IRF4: variants seen among roughly 807,000 people sequenced by gnomAD.
IRF4 encodes interferon regulatory factor 4, also known as lymphocyte-specific interferon regulatory factor.
In IRF4, 13 loss-of-function variants were observed where a neutral mutation model predicts 55.5. That is an observed-to-expected ratio of 0.23 (90% CI 0.15 to 0.37). IRF4 has a LOEUF of 0.37. Ranked by LOEUF, IRF4 falls within the 10% of genes least tolerant of loss-of-function variation. The pLI is 1.00. For synonymous variants in IRF4, 249 were observed against 240.7 expected, an observed-to-expected ratio of 1.03 and a Z score of -0.32; for missense variants, 397 against 593.8, an observed-to-expected ratio of 0.67 and a Z score of 3.44.
intron 5 of IRF4, among the ~76,000 whole-genome samples, chr6:398,015 G>A (rs560873022): frequency 4.6e-5 from 7 of 152,234 alleles, no homozygotes; most frequent in Admixed American, 1.3e-4. Flanking sequence ...GCTGCAGGTA[G>A]TGAAGAGGTG....
At position 395,009 on chromosome 6, in the gene IRF4, T is replaced by C. The variant is rs200504236; in HGVS notation, c.403+2T>C. 8.8e-6 allele frequency: 14 copies of C among 1,588,270 alleles called. No individual in the cohort carries two copies. The East Asian group carries it at 2.1e-4, about 23-fold the overall frequency. Reference sequence around the variant, plus strand: ...TTGTTCCTGAGGGAGCCAAAAAAGGTAGGGGCTCTCCTGAATTTGGGTCAC... The same window carrying C: ...TTGTTCCTGAGGGAGCCAAAAAAGGCAGGGGCTCTCCTGAATTTGGGTCAC... On this transcript the variant is annotated splice_donor_variant, in intron 3 of 8. Coordinates refer to ENST00000380956, the MANE Select transcript of IRF4 (RefSeq NM_002460.4). LOFTEE classifies it high-confidence loss of function.
intron 5 of IRF4, among the ~76,000 whole-genome samples, chr6:398,448 A>C (rs1161910994): frequency 2.0e-5 from 3 of 152,254 alleles, no homozygotes; most frequent in Non-Finnish European, 4.4e-5. Flanking sequence ...CTAGTTTTTA[A>C]TTGGGCTCTT....
chr6:399,422 A>G (rs1344507401), intron 6 of IRF4, among the ~76,000 whole-genome samples: 1 of 151,828 alleles, frequency 6.6e-6, no homozygotes, highest in African/African-American at 2.4e-5. Flanking sequence ...TAAGAGTAAT[A>G]CACATTTTGG....
Position 393,114 on chromosome 6 carries a change from C to A in IRF4, c.-39C>A. The A allele has an allele frequency of 7.2e-6, 11 of 1,528,130 alleles. No individual in the cohort carries two copies. Among genetic ancestry groups the A allele is most frequent in the Non-Finnish European group, 9.7e-6 (11 of 1,131,076 alleles). 94.7% of individuals were successfully genotyped at this position (1,528,130 alleles called of 1,614,324 possible). On this transcript the variant is annotated 5_prime_UTR_variant, in exon 2 of 9. Coordinates refer to ENST00000380956, the MANE Select transcript of IRF4 (RefSeq NM_002460.4). The surrounding 1 kb of genome is among the most constrained non-coding windows in gnomAD (Gnocchi z 5.4). ...TCCCCGCAGTGCAGAGCAGAGCGGGCGGAGGACCCCGGGCGCGGGCGCGGA... is the reference window on the plus strand; with the variant it reads ...TCCCCGCAGTGCAGAGCAGAGCGGGAGGAGGACCCCGGGCGCGGGCGCGGA...
At chr6:398,029 C>T (rs1761311101) in intron 5 of IRF4, among the ~76,000 whole-genome samples, 3 of 152,166 alleles carry the variant, frequency 2.0e-5, no homozygotes, top group South Asian at 4.1e-4. Flanking sequence ...AGAGGTGTAC[C>T]ACTCTTTAAT....
intron 1 of IRF4, among the ~76,000 whole-genome samples, 194 bp from the exon 2 acceptor site, chr6:392,904 T>C (rs979134127): frequency 6.6e-6 from 1 of 151,266 alleles, no homozygotes; most frequent in Non-Finnish European, 1.5e-5. Flanking sequence ...CGGACGGCTG[T>C]GCCCGCCCAG....
At chr6:400,753 A>G (rs191918007) in intron 6 of IRF4, among the ~76,000 whole-genome samples, 1 of 151,116 alleles carries the variant, frequency 6.6e-6, no homozygotes, top group Admixed American at 6.6e-5. Context: ...ATAGACATAA[A>G]TAATTAAGCA....
In IRF4 at chr6:393,044, G is replaced by A. The variant is rs1163394759; in HGVS notation, c.-55-54G>A. 2.3e-5 allele frequency: 23 copies of A among 1,013,810 alleles called. No individual in the cohort carries two copies. Among genetic ancestry groups the A allele is most frequent in the Non-Finnish European group, 3.1e-5 (22 of 702,760 alleles). The allele number at this position is 1,013,810 out of a possible 1,614,324, so 62.8% of individuals were successfully genotyped here. Reference sequence around the variant, plus strand: ...GGTCACTGGCGCAGGGGATCGGGGCGGGGTGCCCGGAGTGCGGTGCCTCGT... The same window carrying A: ...GGTCACTGGCGCAGGGGATCGGGGCAGGGTGCCCGGAGTGCGGTGCCTCGT... On this transcript the variant is annotated intron_variant, in intron 1 of 8. Coordinates refer to ENST00000380956, the MANE Select transcript of IRF4 (RefSeq NM_002460.4). The surrounding 1 kb of genome is among the most constrained non-coding windows in gnomAD (Gnocchi z 5.4).
At position 393,969 on chromosome 6, in the gene IRF4, CAG is replaced by C. The variant is rs1761191824; in HGVS notation, c.216+602_216+603del. On this transcript the variant is annotated intron_variant, in intron 2 of 8. Transcript: ENST00000380956. This position sits in a 1 kb window ranked among gnomAD's most constrained non-coding sequence, Gnocchi z 5.4. ...CTCTTTCCCCCATCGCAGTGGAACT[CAG>C]GGCCTCTGTCTAGAGCTGTCTCCCT... 6.6e-6 allele frequency among the ~76,000 whole-genome samples: 1 copy of C among 152,204 alleles called. No individual in the cohort carries two copies. The highest frequency in any genetic ancestry group is 1.5e-5 in the Non-Finnish European group (1 of 68,026).
chr6:402,091 G>A (rs1444772355), intron 7 of IRF4, among the ~76,000 whole-genome samples: 2 of 152,156 alleles, frequency 1.3e-5, no homozygotes, highest in Admixed American at 6.5e-5. Context: ...CTGATGTGGC[G>A]GCTCTTTTCA....
At position 393,423 on chromosome 6, in the gene IRF4, C is replaced by A; in HGVS notation, c.216+55C>A. 4 of 1,260,906 alleles carry A rather than the reference C, an allele frequency of 3.2e-6. No individual in the cohort carries two copies. The highest frequency in any genetic ancestry group is 3.1e-6 in the Non-Finnish European group (3 of 957,036). The allele number at this position is 1,260,906 out of a possible 1,614,324, so 78.1% of individuals were successfully genotyped here. On this transcript the variant is annotated intron_variant, in intron 2 of 8. Coordinates refer to ENST00000380956, the MANE Select transcript of IRF4 (RefSeq NM_002460.4). The surrounding 1 kb of genome is among the most constrained non-coding windows in gnomAD (Gnocchi z 5.4). ...CGCCGGGGAGGGCCCAGAGACAGAG[C>A]CCGGGGTCCCCGGCGCCGCCTCCGA...
intron 7 of IRF4, among the ~76,000 whole-genome samples, chr6:403,574 C>T (rs1761463900): frequency 6.6e-6 from 1 of 152,176 alleles, no homozygotes. Context: ...GGGGTGGACG[C>T]CTGTGAGTGT....
intron 1 of IRF4, chr6:392,014 C>G (rs1761115326): frequency 2.8e-6 from 1 of 363,310 alleles, no homozygotes; most frequent in Admixed American, 3.2e-5. Context: ...GGCCCGCCTC[C>G]TTGGCTCTGC....
At chr6:392,333 C>T (rs1445411722) in intron 1 of IRF4, among the ~76,000 whole-genome samples, 2 of 152,258 alleles carry the variant, frequency 1.3e-5, no homozygotes, top group Non-Finnish European at 2.9e-5. Context: ...CGTGCGGTGG[C>T]CTAGCCGGCC....
At chr6:399,854 G>T (rs945481599) in intron 6 of IRF4, among the ~76,000 whole-genome samples, 1 of 152,190 alleles carries the variant, frequency 6.6e-6, no homozygotes, top group Non-Finnish European at 1.5e-5. Context: ...TGAGGTGCTC[G>T]TGAGTAACTG....
In IRF4 at chr6:398,886, A is replaced by G. The variant is rs139276702; in HGVS notation, c.696A>G (p.Gly232=). 2.9e-5 allele frequency: 46 copies of G among 1,613,496 alleles called. No individual in the cohort carries two copies. The highest frequency in any genetic ancestry group is 6.8e-6 in the Non-Finnish European group (8 of 1,179,906). Residue 232 remains glycine (G), a synonymous_variant, in exon 6 of 9, where the codon GGA becomes GGG. Transcript: ENST00000380956. ...ACAPPESQAP[G]VPTEPSIRSA... Reference sequence around the variant, plus strand: ...CCCCACCTGAGTCCCAGGCTCCCGGAGTCCCCACAGAGCCAAGCATAAGGT... The same window carrying G: ...CCCCACCTGAGTCCCAGGCTCCCGGGGTCCCCACAGAGCCAAGCATAAGGT...
Position 395,906 on chromosome 6 carries a change from A to G in IRF4, c.463A>G (p.Thr155Ala). 1 of 1,613,752 alleles carries G rather than the reference A, an allele frequency of 6.2e-7. No homozygotes were observed. Among genetic ancestry groups the G allele is most frequent in the Non-Finnish European group, 8.5e-7 (1 of 1,179,816 alleles). ...QMSMSHPYTM[T>A]TPYPSLPAQQ... Reference sequence around the variant, plus strand: ...GTCCATGAGCCACCCCTACACCATGACAACGCCTTACCCTTCGCTCCCAGC... The same window carrying G: ...GTCCATGAGCCACCCCTACACCATGGCAACGCCTTACCCTTCGCTCCCAGC... Residue 155 changes from threonine to alanine, a missense_variant, in exon 4 of 9, where the codon ACA becomes GCA. Transcript: ENST00000380956.
intron 8 of IRF4, 93 bp downstream of exon 8, chr6:405,223 G>A (rs774531195): frequency 1.4e-6 from 1 of 729,854 alleles, no homozygotes; most frequent in Non-Finnish European, 2.4e-6. Flanking sequence ...AAAAGTAAAT[G>A]TCAAATGACC....
rs1022146631 is a variant in IRF4 at position 403,265 on chromosome 6, C to T, written c.1099+1488C>T. 2.6e-5 allele frequency among the ~76,000 whole-genome samples: 4 copies of T among 152,070 alleles called. No individual in the cohort carries two copies. The South Asian group carries it at 8.3e-4, about 31-fold the overall frequency. ...GGAAATTGAAGGGCAACTGGGGGGA[C>T]CCCCCCTCCCCTGTCAGCATCTCCT... On this transcript the variant is annotated intron_variant, in intron 7 of 8. Coordinates refer to ENST00000380956, the MANE Select transcript of IRF4 (RefSeq NM_002460.4).
Sources: gnomAD v4.1 joint callset for allele counts (sites outside exome capture counted in the v4.1 genomes callset) on GRCh38, gnomAD v4.1.1 for gene constraint, Gnocchi (gnomAD v3.1) non-coding constraint, MANE v1.5 for transcripts, NCBI Gene and HGNC (gene_info 2026-07-23, HGNC 2026-07-21) for gene names.